The following HERC2 variants were observed in gnomAD, a reference collection of about 807,000 sequenced individuals.
The protein encoded by HERC2 is E3 ubiquitin-protein ligase HERC2.
A neutral mutation model predicts 537.7 loss-of-function variants in HERC2; 102 were observed. The observed-to-expected ratio is 0.19, with a 90% CI of 0.16 to 0.22. HERC2 has a LOEUF of 0.22. Among genes scored for constraint, HERC2 ranks in the 10% least tolerant of loss-of-function variants. HERC2 has a pLI of 1.00. For missense variants in HERC2, 4,236 were observed against 6,198.2 expected (o/e 0.68, Z 10.63); for synonymous variants, 2,224 against 2,466.2 (o/e 0.90, Z 2.91).
chr15:28,209,426 C>G (rs964740930), intron 44 of HERC2, among the ~76,000 whole-genome samples: 2 of 152,048 alleles, frequency 1.3e-5, no homozygotes, highest in African/African-American at 4.8e-5. Flanking sequence ...TCACTGCAAG[C>G]TCTGCCTCCC....
At chr15:28,253,322 C>T (rs1169808074) in intron 20 of HERC2, among the ~76,000 whole-genome samples, 1 of 152,180 alleles carries the variant, frequency 6.6e-6, no homozygotes, top group African/African-American at 2.4e-5. Context: ...AGAAAAGTTA[C>T]CTTACAAAGT....
intron 4 of HERC2, among the ~76,000 whole-genome samples, chr15:28,285,786 T>A (rs1596391241): frequency 8.6e-6 from 1 of 116,132 alleles, no homozygotes; most frequent in Non-Finnish European, 1.6e-5. Context: ...CTGACAAACC[T>A]CTCTAAGCAT....
intron 2 of HERC2, among the ~76,000 whole-genome samples, chr15:28,308,952 T>C (rs940100414): frequency 5.9e-5 from 9 of 152,192 alleles, no homozygotes; most frequent in Non-Finnish European, 1.3e-4. Flanking sequence ...TTGCTAGTAT[T>C]TTGTTGAGGA....
rs757491368 is a variant in HERC2 at position 28,124,165 on chromosome 15, G to A, written c.13060C>T (p.His4354Tyr). Residue 4354 changes from histidine to tyrosine, a missense_variant, in exon 85 of 93, where the codon CAC becomes TAC. Coordinates refer to ENST00000261609, the MANE Select transcript of HERC2 (RefSeq NM_004667.6). Reference protein sequence around the residue: ...IALRNRLLLLHHLSELFCPCI... With the variant: ...IALRNRLLLLYHLSELFCPCI... ...GGGCAGAAGAGCTCGGAGAGGTGGTGCAGCAGCAGCAGACGGTTCCTCAGC... is the reference window on the plus strand; with the variant it reads ...GGGCAGAAGAGCTCGGAGAGGTGGTACAGCAGCAGCAGACGGTTCCTCAGC... 6.3e-7 allele frequency: 1 copy of A among 1,575,348 alleles called. No individual in the cohort carries two copies. The highest frequency in any genetic ancestry group is 8.6e-7 in the Non-Finnish European group (1 of 1,160,202).
Position 28,111,985 on chromosome 15 carries a change from G to C in HERC2, c.14283C>G (p.Thr4761=). Residue 4761 remains threonine, a synonymous_variant, in exon 93 of 93, where the codon ACC becomes ACG. Transcript: ENST00000261609. ...PPDHFLPESY[T]CFFLLKLPRY... is the part of the protein sequence containing the mutation. ...TGGGCAGCTTCAGCAAGAAGAAACA[G>C]GTGTAGGACTCAGGGAGGAAGTGGT... is the stretch of plus-strand genomic sequence containing the variant. The C allele has an allele frequency of 6.2e-7, 1 of 1,614,180 alleles. No individual in the cohort carries two copies. The highest frequency in any genetic ancestry group is 8.5e-7 in the Non-Finnish European group (1 of 1,180,032).
chr15:28,246,989 C>A (rs1347064050), intron 21 of HERC2, 92 bp from the exon 22 acceptor site: 8 of 1,062,144 alleles, frequency 7.5e-6, no homozygotes, highest in Non-Finnish European at 1.1e-5. Context: ...CTCATCTACA[C>A]ATCTTTTACC....
chr15:28,211,199 C>A (rs1328676788), intron 43 of HERC2, 54 bp from the exon 44 acceptor site: 1 of 951,714 alleles, frequency 1.1e-6, no homozygotes, highest in Non-Finnish European at 1.7e-6. Flanking sequence ...ACTCCCTCCT[C>A]GCCAGCAGCA....
At chr15:28,167,240 A>G (rs1399172910) in intron 68 of HERC2, among the ~76,000 whole-genome samples, 5 of 152,208 alleles carry the variant, frequency 3.3e-5, no homozygotes, top group African/African-American at 1.2e-4. Flanking sequence ...TATCTCACCA[A>G]TGATGCAGCA....
At chr15:28,147,174 T>C (rs1389129617) in intron 70 of HERC2, among the ~76,000 whole-genome samples, 1 of 151,662 alleles carries the variant, frequency 6.6e-6, no homozygotes, top group Non-Finnish European at 1.5e-5. Flanking sequence ...TGGAATATAT[T>C]TTAAAAGCAG....
chr15:28,209,938 A>ATT (rs1281153333), intron 44 of HERC2, among the ~76,000 whole-genome samples: 1 of 94,940 alleles, frequency 1.1e-5, no homozygotes, highest in South Asian at 3.4e-4. Flanking sequence ...TGAATACATT[A>ATT]TCTTTTTTTT....
intron 23 of HERC2, among the ~76,000 whole-genome samples, chr15:28,240,803 G>A (rs1000441934): frequency 1.3e-5 from 2 of 152,204 alleles, no homozygotes; most frequent in East Asian, 1.9e-4. Context: ...GGAAAGAAGA[G>A]CCTTTTCAAT....
At chr15:28,321,615 G>A (rs1489984964) in intron 1 of HERC2, among the ~76,000 whole-genome samples, 151 bp from the exon 2 acceptor site, 1 of 127,252 alleles carries the variant, frequency 7.9e-6, no homozygotes, top group Non-Finnish European at 1.5e-5. Flanking sequence ...GGGAAAGAGG[G>A]AAGAGATGGA....
chr15:28,185,339 G>A lies in HERC2; in HGVS notation c.8825+1238C>T, dbSNP rs997716333. On this transcript the variant is annotated intron_variant, in intron 56 of 92. Coordinates refer to ENST00000261609, the MANE Select transcript of HERC2 (RefSeq NM_004667.6). The stretch of plus-strand genomic sequence containing the variant: ...TGTCTTGGTCAACAGAGTTCAGCCA[G>A]CACTGGCGGCTTGCCTCCTGTGCCT... 6.6e-5 allele frequency among the ~76,000 whole-genome samples: 10 copies of A among 152,242 alleles called. No individual in the cohort carries two copies. The East Asian group carries it at 1.9e-3, about 30-fold the overall frequency.
intron 70 of HERC2, among the ~76,000 whole-genome samples, chr15:28,147,412 T>C (rs1005977737): frequency 1.3e-5 from 2 of 152,168 alleles, no homozygotes; most frequent in Non-Finnish European, 2.9e-5. Flanking sequence ...GCAGCTTGTT[T>C]GAGCTCAGGA....
rs1231772333 is a variant in HERC2, at chr15:28,117,055, T to C, written c.13372A>G (p.Ser4458Gly). 1.2e-6 allele frequency: 2 copies of C among 1,614,170 alleles called. No individual in the cohort carries two copies. Among genetic ancestry groups the C allele is most frequent in the Non-Finnish European group, 1.7e-6 (2 of 1,180,030 alleles). The change falls in exon 87 of 93, where the codon AGC becomes GGC. Residue 4458 changes from serine to glycine, a missense_variant. Around this residue, in one of 27 missense-constraint regions of HERC2, gnomAD observed 29 missense variants for 102.1 expected, o/e 0.28. Transcript: ENST00000261609. Reference protein sequence around the residue: ...CAKMSSFGPDSLLLPHRVWKV... With the variant: ...CAKMSSFGPDGLLLPHRVWKV... ...CAGACACGGTGAGGAAGGAGGAGGC[T>C]GTCGGGACCAAACGAGCTCATCTTA... is the stretch of plus-strand genomic sequence containing the variant.
intron 52 of HERC2, among the ~76,000 whole-genome samples, chr15:28,195,960 T>C (rs1897310313): frequency 6.6e-6 from 1 of 152,240 alleles, no homozygotes; most frequent in South Asian, 2.1e-4. Context: ...TTGAGATTCT[T>C]TTAATGTTTC....
chr15:28,160,727 T>A (rs1300366260), intron 69 of HERC2, among the ~76,000 whole-genome samples: 1 of 152,214 alleles, frequency 6.6e-6, no homozygotes, highest in East Asian at 1.9e-4. Flanking sequence ...CTCGGTGCAC[T>A]GCACCCACTG....
At chr15:28,223,462 T>C (rs1192863826) in intron 35 of HERC2, among the ~76,000 whole-genome samples, 4 of 152,130 alleles carry the variant, frequency 2.6e-5, no homozygotes, top group Non-Finnish European at 4.4e-5. Flanking sequence ...AGCAAAACTT[T>C]AGATAAACTA....
chr15:28,191,342 T>G (rs1896837705), intron 53 of HERC2, 98 bp from the exon 54 acceptor site: 3 of 733,814 alleles, frequency 4.1e-6, no homozygotes, highest in Non-Finnish European at 6.9e-6. Flanking sequence ...TACATGAGAT[T>G]TTTTCAATAT....
Sources: gnomAD v4.1 joint callset for allele counts (sites outside exome capture counted in the v4.1 genomes callset) on GRCh38, gnomAD v4.1.1 for gene constraint, gnomAD v4.1.1 regional missense constraint, MANE v1.5 for transcripts, NCBI Gene and HGNC (gene_info 2026-07-23, HGNC 2026-07-21) for gene names.